The following CCDC195 variants were observed in gnomAD, a reference collection of about 807,000 sequenced individuals.
The protein encoded by CCDC195 is coiled-coil domain-containing protein 195.
intron 2 of CCDC195, among the ~76,000 whole-genome samples, chr2:224,706,985 G>C (rs1689209190): frequency 6.6e-6 from 1 of 151,146 alleles, no homozygotes; most frequent in Admixed American, 6.6e-5. Context: ...GAAGACACAT[G>C]ACCAATGGAA....
At chr2:224,706,125 T>C (rs1457782959) in intron 2 of CCDC195, among the ~76,000 whole-genome samples, 1 of 150,326 alleles carries the variant, frequency 6.7e-6, no homozygotes, top group Non-Finnish European at 1.5e-5. Context: ...ATTCAGGTAG[T>C]GGGATTATGA....
At chr2:224,707,296 G>A (rs1319799787) in intron 2 of CCDC195, among the ~76,000 whole-genome samples, 1 of 152,128 alleles carries the variant, frequency 6.6e-6, no homozygotes, top group Non-Finnish European at 1.5e-5. Context: ...CACTGGAATC[G>A]GGTAGAAGGC....
At chr2:224,704,508 G>A (rs895481341) in intron 2 of CCDC195, among the ~76,000 whole-genome samples, 4 of 150,658 alleles carry the variant, frequency 2.7e-5, no homozygotes, top group African/African-American at 9.8e-5. Context: ...GTTCTCTTTT[G>A]TGGGAACAAA....
intron 1 of CCDC195, 100 bp from the exon 2 acceptor site, chr2:224,710,319 T>C (rs1175621532): frequency 5.0e-6 from 2 of 397,132 alleles, no homozygotes; most frequent in African/African-American, 4.1e-5. Context: ...TAGACAGAAC[T>C]ATTGTTTCTC....
chr2:224,706,914 C>T (rs959619369), intron 2 of CCDC195, among the ~76,000 whole-genome samples: 6 of 151,146 alleles, frequency 4.0e-5, no homozygotes, highest in Non-Finnish European at 4.4e-5. Context: ...TATACACACA[C>T]GCGCACTTTT....
intron 1 of CCDC195, among the ~76,000 whole-genome samples, chr2:224,711,941 A>G (rs1689323916): frequency 6.6e-6 from 1 of 152,196 alleles, no homozygotes; most frequent in Admixed American, 6.5e-5. Context: ...TAACTTCCAT[A>G]ATTATCTAAA....
At position 224,704,012 on chromosome 2, in the gene CCDC195, T is replaced by C; in HGVS notation, c.483-125A>G. 2 of 394,408 alleles carry C rather than the reference T, an allele frequency of 5.1e-6. 1 individual carries two copies. Among genetic ancestry groups the C allele is most frequent in the South Asian group, 2.8e-4 (2 of 7,026 alleles). The allele number at this position is 394,408 out of a possible 1,614,324, so 24.4% of individuals were successfully genotyped here. A position where few individuals can be genotyped will look rare whatever the true frequency, so the allele number is the denominator to read the frequency against. On this transcript the variant is annotated intron_variant, in intron 2 of 2. Coordinates refer to ENST00000638102, the Ensembl canonical transcript of CCDC195. ...TGTTAAAAGTTCACTTAAAAATATA[T>C]CATGATATTTTTTGTTAAGTTGTTC...
intron 1 of CCDC195, among the ~76,000 whole-genome samples, chr2:224,712,302 A>T (rs774120483): frequency 1.3e-5 from 2 of 152,238 alleles, no homozygotes; most frequent in African/African-American, 2.4e-5. Flanking sequence ...GCAATGCTGT[A>T]AAGGGTTGTT....
intron 2 of CCDC195, among the ~76,000 whole-genome samples, chr2:224,706,008 T>C (rs1294867019): frequency 5.3e-5 from 8 of 152,138 alleles, no homozygotes; most frequent in South Asian, 2.1e-4. Context: ...ATTCTCAGCA[T>C]TGTATGTCTG....
chr2:224,712,192 T>C (rs1689325597), intron 1 of CCDC195, among the ~76,000 whole-genome samples: 1 of 152,178 alleles, frequency 6.6e-6, no homozygotes, highest in Admixed American at 6.5e-5. Flanking sequence ...AAAAAAGATA[T>C]TCAACACAGC....
At chr2:224,704,610 C>CTTTTTTTTTTTTTTTTTTTTTTT (rs55801561) in intron 2 of CCDC195, among the ~76,000 whole-genome samples, 26 of 110,620 alleles carry the variant, frequency 2.4e-4, no homozygotes, top group Non-Finnish European at 3.0e-4. Context: ...CTTTTCTTTT[C>CTTTTTTTTTTTTTTTTTTTTTTT]TTTTTTTTTT....
intron 2 of CCDC195, among the ~76,000 whole-genome samples, chr2:224,705,466 G>A (rs1697230156): frequency 6.6e-6 from 1 of 152,074 alleles, no homozygotes; most frequent in African/African-American, 2.4e-5. Flanking sequence ...GCATTATTTT[G>A]TAAAATATTT....
chr2:224,714,598 C>T (rs1167260600), intron 1 of CCDC195, among the ~76,000 whole-genome samples: 5 of 152,138 alleles, frequency 3.3e-5, no homozygotes, highest in African/African-American at 9.7e-5. Flanking sequence ...CTCGAGATGA[C>T]CTCCACAGTA....
At chr2:224,705,455 G>A (rs1333109092) in intron 2 of CCDC195, among the ~76,000 whole-genome samples, 1 of 152,052 alleles carries the variant, frequency 6.6e-6, no homozygotes, top group Non-Finnish European at 1.5e-5. Flanking sequence ...TATTGACATT[G>A]GCATTATTTT....
At chr2:224,707,994 CCCTCCCTT>C (rs1347609575) in intron 2 of CCDC195, among the ~76,000 whole-genome samples, 2 of 42,370 alleles carry the variant, frequency 4.7e-5, no homozygotes, top group African/African-American at 1.5e-4. Context: ...CTCCCTCCCT[CCCTCCCTT>C]CCTTCCTTTC....
At chr2:224,712,545 T>G (rs911342686) in intron 1 of CCDC195, among the ~76,000 whole-genome samples, 1 of 152,194 alleles carries the variant, frequency 6.6e-6, no homozygotes, top group Non-Finnish European at 1.5e-5. Flanking sequence ...CTCTGCGTCC[T>G]CGGGTGACTT....
chr2:224,704,595 T>C, intron 2 of CCDC195, among the ~76,000 whole-genome samples: 1 of 146,166 alleles, frequency 6.8e-6, no homozygotes, highest in South Asian at 2.1e-4. Flanking sequence ...GCACCTTTTT[T>C]TTTTCTTTTC....
intron 2 of CCDC195, among the ~76,000 whole-genome samples, chr2:224,705,107 G>T (rs888914871): frequency 6.6e-6 from 1 of 152,090 alleles, no homozygotes; most frequent in Non-Finnish European, 1.5e-5. Flanking sequence ...CTGTGACACA[G>T]GACAATCTAG....
intron 2 of CCDC195, among the ~76,000 whole-genome samples, chr2:224,709,381 C>T (rs1689279940): frequency 6.6e-6 from 1 of 152,192 alleles, no homozygotes; most frequent in Admixed American, 6.5e-5. Flanking sequence ...TCTCACATCC[C>T]TCCCATTCTC....
Sources: allele counts gnomAD v4.1 joint callset (sites outside exome capture counted in the v4.1 genomes callset), GRCh38; gene constraint gnomAD v4.1.1; transcripts MANE v1.5; gene names NCBI Gene and HGNC (gene_info 2026-07-23, HGNC 2026-07-21).